PPP6R2: variants seen among roughly 807,000 people sequenced by gnomAD.
PPP6R2 encodes the protein serine/threonine-protein phosphatase 6 regulatory subunit 2.
A neutral mutation model predicts 100.2 loss-of-function variants in PPP6R2; 62 were observed. The observed-to-expected ratio is 0.62, with a 90% CI of 0.50 to 0.76. PPP6R2 has a LOEUF of 0.76. Among genes scored for constraint, PPP6R2 ranks in the 30% least tolerant of loss-of-function variants. The pLI, the probability that PPP6R2 is intolerant of heterozygous loss-of-function variation, is 0.00. For missense variants in PPP6R2, 1,142 were observed against 1,276.3 expected, an observed-to-expected ratio of 0.89 and a Z score of 1.60; for synonymous variants, 525 against 514.7, an observed-to-expected ratio of 1.02 and a Z score of -0.27.
chr22:50,392,569 T>A (rs1469432893), intron 2 of PPP6R2, among the ~76,000 whole-genome samples: 1 of 152,138 alleles, frequency 6.6e-6, no homozygotes, highest in African/African-American at 2.4e-5. Context: ...CTGGGGAGCC[T>A]GTGCAGGAGG....
intron 1 of PPP6R2, among the ~76,000 whole-genome samples, chr22:50,359,827 A>G (rs184574979): frequency 1.3e-5 from 2 of 152,214 alleles, no homozygotes; most frequent in Admixed American, 6.5e-5. Context: ...GTATCAAGGT[A>G]ATACTGGGAC....
At chr22:50,373,790 A>G (rs1466109437) in intron 2 of PPP6R2, among the ~76,000 whole-genome samples, 1 of 151,036 alleles carries the variant, frequency 6.6e-6, no homozygotes. Flanking sequence ...CTGGAGTGCA[A>G]TGGCATGACC....
intron 1 of PPP6R2, among the ~76,000 whole-genome samples, chr22:50,367,759 T>C (rs2049054706): frequency 6.6e-6 from 1 of 152,156 alleles, no homozygotes; most frequent in Non-Finnish European, 1.5e-5. Context: ...ACAGGGCCTG[T>C]GGGTTTTTCT....
At chr22:50,414,761 G>C (rs779300398) in intron 5 of PPP6R2, 72 bp downstream of exon 5, 1 of 1,538,272 alleles carries the variant, frequency 6.5e-7, no homozygotes, top group African/African-American at 1.4e-5. Context: ...AAGTGCAGGA[G>C]CTCAGAGCAC....
intron 2 of PPP6R2, among the ~76,000 whole-genome samples, chr22:50,384,038 A>AAAC (rs57589789): frequency 0.079 from 11,768 of 148,818 alleles, 847 homozygotes; most frequent in African/African-American, 0.19. Flanking sequence ...TCCATCTCAA[A>AAAC]AAAAAAAAAA....
At chr22:50,374,132 C>T (rs1326388558) in intron 2 of PPP6R2, among the ~76,000 whole-genome samples, 1 of 152,176 alleles carries the variant, frequency 6.6e-6, no homozygotes, top group Non-Finnish European at 1.5e-5. Flanking sequence ...GATCCTCCTG[C>T]CTTGGCCTCC....
intron 3 of PPP6R2, among the ~76,000 whole-genome samples, chr22:50,396,172 G>A (rs2056782327): frequency 7.0e-6 from 1 of 142,100 alleles, no homozygotes; most frequent in Admixed American, 7.6e-5. Context: ...CTCCAGCCTG[G>A]GCAACAGAGC....
intron 1 of PPP6R2, among the ~76,000 whole-genome samples, chr22:50,356,263 C>G (rs1377253342): frequency 1.3e-5 from 2 of 151,602 alleles, no homozygotes; most frequent in Non-Finnish European, 2.9e-5. Context: ...CACGCCCGGC[C>G]TTCCCTCTTC....
chr22:50,349,195 C>CAAAAA (rs892504600), intron 1 of PPP6R2, among the ~76,000 whole-genome samples: 4 of 61,676 alleles, frequency 6.5e-5, no homozygotes, highest in South Asian at 5.8e-4. Flanking sequence ...GACTTCCTCT[C>CAAAAA]AAAAAAAAAA....
At chr22:50,419,228 C>A (rs2060971997) in intron 7 of PPP6R2, 121 bp from the exon 8 acceptor site, 1 of 909,350 alleles carries the variant, frequency 1.1e-6, no homozygotes, top group Admixed American at 2.2e-5. Flanking sequence ...TGGCGCCTTG[C>A]CTTGAGCCTG....
In PPP6R2 at chr22:50,435,535, C is replaced by G. The variant is rs530674032; in HGVS notation, c.1516+454C>G. On this transcript the variant is annotated intron_variant, in intron 13 of 23. Transcript: ENST00000612753. The stretch of plus-strand genomic sequence containing the variant: ...CAGGGGAGCAGGTTGCAGCCTGTTT[C>G]TTAAGAACGCAGTGGGTTAGGTGGG... 5.6e-4 allele frequency among the ~76,000 whole-genome samples: 86 copies of G among 152,320 alleles called. 1 individual carries two copies. In the South Asian group the frequency reaches 5.8e-3, roughly 10 times the overall value.
At chr22:50,363,632 C>T (rs1025643657) in intron 1 of PPP6R2, among the ~76,000 whole-genome samples, 5 of 152,190 alleles carry the variant, frequency 3.3e-5, no homozygotes, top group African/African-American at 7.2e-5. Context: ...CTCCGCTGTC[C>T]GCAGCTGCTG....
intron 21 of PPP6R2, 129 bp downstream of exon 21, chr22:50,440,178 A>G (rs2065258381): frequency 1.2e-6 from 1 of 855,540 alleles, no homozygotes; most frequent in Admixed American, 2.7e-5. Context: ...CTCTGGTGAC[A>G]TTGGGGTTTG....
chr22:50,435,237 A>C (rs2063969988), intron 13 of PPP6R2, among the ~76,000 whole-genome samples, 156 bp downstream of exon 13: 1 of 152,186 alleles, frequency 6.6e-6, no homozygotes, highest in South Asian at 2.1e-4. Flanking sequence ...CACACATCAC[A>C]TCTCTCCTCG....
At chr22:50,374,025 C>T (rs1364550190) in intron 2 of PPP6R2, among the ~76,000 whole-genome samples, 2 of 152,182 alleles carry the variant, frequency 1.3e-5, no homozygotes, top group African/African-American at 4.8e-5. Flanking sequence ...GCGTGAGCCA[C>T]CGCACCCAGC....
At chr22:50,416,984 A>G (rs9616996) in intron 6 of PPP6R2, among the ~76,000 whole-genome samples, 49,915 of 151,326 alleles carry the variant, frequency 0.33, 8,789 homozygotes, top group East Asian at 0.67. Context: ...AACAATTCTA[A>G]TAGAATTGTA....
At position 50,438,306 on chromosome 22, in the gene PPP6R2, GC is replaced by G; in HGVS notation, c.1964+10del. ...GGTGATGGCCAGACCCAGGTGCGGGGCCTGCCCATCCCCACAAAGCCTCTGC... is the reference window on the plus strand; with the variant it reads ...GGTGATGGCCAGACCCAGGTGCGGGGCTGCCCATCCCCACAAAGCCTCTGC... On this transcript the variant is annotated intron_variant, in intron 18 of 23. Transcript: ENST00000612753. The G allele has an allele frequency of 3.7e-6, 6 of 1,608,558 alleles. No homozygotes were observed. Among genetic ancestry groups the G allele is most frequent in the Non-Finnish European group, 5.1e-6 (6 of 1,177,600 alleles).
intron 3 of PPP6R2, among the ~76,000 whole-genome samples, chr22:50,400,725 T>C (rs2057881096): frequency 6.6e-6 from 1 of 152,160 alleles, no homozygotes; most frequent in South Asian, 2.1e-4. Flanking sequence ...ATATTGACTC[T>C]AAGGGAAAAG....
chr22:50,404,037 C>T (rs2058453267), intron 3 of PPP6R2, among the ~76,000 whole-genome samples: 1 of 151,036 alleles, frequency 6.6e-6, no homozygotes, highest in African/African-American at 2.4e-5. Context: ...TGACCTTGAG[C>T]ACACATTTGC....
Sources: allele counts gnomAD v4.1 joint callset (sites outside exome capture counted in the v4.1 genomes callset), GRCh38; gene constraint gnomAD v4.1.1; transcripts MANE v1.5; gene names NCBI Gene and HGNC (gene_info 2026-07-23, HGNC 2026-07-21).